Variants in PTPRD observed in about 807,000 individuals in gnomAD.
PTPRD encodes receptor-type tyrosine-protein phosphatase delta.
In PTPRD, 34 loss-of-function variants were observed where a neutral mutation model predicts 214.5. That is an observed-to-expected ratio of 0.16 (90% confidence interval 0.12 to 0.21). PTPRD has a LOEUF of 0.21. Among genes scored for constraint, PTPRD ranks in the 10% least tolerant of loss-of-function variants. PTPRD has a pLI of 1.00. For synonymous variants in PTPRD, 1,128 were observed against 845.7 expected, an observed-to-expected ratio of 1.33 and a Z score of -5.79; for missense variants, 2,545 against 2,398.7, an observed-to-expected ratio of 1.06 and a Z score of -1.27.
chr9:8,791,787 G>A (rs190980000), intron 11 of PTPRD, among the ~76,000 whole-genome samples: 1 of 151,994 alleles, frequency 6.6e-6, no homozygotes, highest in South Asian at 2.1e-4. Flanking sequence ...ATTTTTAATG[G>A]ACGGATACTA....
chr9:10,292,181 C>T (rs547751241), intron 3 of PTPRD, among the ~76,000 whole-genome samples: 1 of 152,066 alleles, frequency 6.6e-6, no homozygotes, highest in South Asian at 2.1e-4. Context: ...TTTTCAATTG[C>T]CCAAGTAAAA....
At chr9:8,633,277 T>A in intron 14 of PTPRD, 40 bp downstream of exon 14, 1 of 1,597,186 alleles carries the variant, frequency 6.3e-7, no homozygotes, top group East Asian at 2.2e-5. Context: ...TACAGAATTG[T>A]AACAATGACA....
intron 27 of PTPRD, among the ~76,000 whole-genome samples, chr9:8,490,563 G>GA: frequency 6.6e-6 from 1 of 152,108 alleles, no homozygotes. Flanking sequence ...AAAATATACA[G>GA]AAAATGTCAA....
intron 9 of PTPRD, among the ~76,000 whole-genome samples, chr9:9,388,014 G>A (rs917693202): frequency 3.3e-5 from 5 of 152,242 alleles, no homozygotes; most frequent in East Asian, 3.9e-4. Flanking sequence ...TCTGTATCCC[G>A]GAGTTTCTTG....
chr9:10,185,541 T>C (rs1257765564), intron 3 of PTPRD, among the ~76,000 whole-genome samples: 2 of 152,198 alleles, frequency 1.3e-5, no homozygotes, highest in African/African-American at 4.8e-5. Context: ...GGAATGGCTG[T>C]TATCTGCGTT....
At chr9:9,220,017 A>T (rs1054677762) in intron 9 of PTPRD, among the ~76,000 whole-genome samples, 3 of 152,170 alleles carry the variant, frequency 2.0e-5, no homozygotes, top group Non-Finnish European at 4.4e-5. Flanking sequence ...GTATCATAAA[A>T]TACTCTTGAA....
At chr9:9,619,949 A>T (rs951274713) in intron 7 of PTPRD, among the ~76,000 whole-genome samples, 1 of 151,490 alleles carries the variant, frequency 6.6e-6, no homozygotes, top group South Asian at 2.1e-4. Context: ...CTACATATAG[A>T]TAGAAATATC....
rs746163102 is a variant in PTPRD at position 9,597,281 on chromosome 9, C to T, written c.-286-22500G>A. ...AAAGTGGGAAAGGGAAAAAGACATA[C>T]ATTTAAACAAAGTTAACAATGTTCA... On this transcript the variant is annotated intron_variant, in intron 7 of 45. Transcript: ENST00000381196. 9.9e-5 allele frequency among the ~76,000 whole-genome samples: 15 copies of T among 152,044 alleles called. 1 individual carries two copies. Among genetic ancestry groups the T allele is most frequent in the East Asian group, 3.9e-4 (2 of 5,156 alleles).
At position 8,635,553 on chromosome 9, in the gene PTPRD, A is replaced by G. The variant is rs531619306; in HGVS notation, c.210+1146T>C. Among the ~76,000 whole-genome samples the G allele has an allele frequency of 2.0e-5, 3 of 152,288 alleles. No homozygotes were observed. In the East Asian group the frequency reaches 5.8e-4, roughly 29 times the overall value. On this transcript the variant is annotated intron_variant, in intron 13 of 45. Transcript: ENST00000381196. Reference sequence around the variant, plus strand: ...GGCAAATTTCTAATTTCACCATTGTAATTAATTAGGTTCTCTATACATTTG... The same window carrying G: ...GGCAAATTTCTAATTTCACCATTGTGATTAATTAGGTTCTCTATACATTTG...
intron 8 of PTPRD, among the ~76,000 whole-genome samples, chr9:9,399,650 G>A (rs945788893): frequency 7.9e-5 from 12 of 152,050 alleles, no homozygotes; most frequent in Admixed American, 3.3e-4. Context: ...CATGGGGGGC[G>A]GGTCTTTCCC....
At chr9:9,985,412 C>T (rs1332515268) in intron 4 of PTPRD, among the ~76,000 whole-genome samples, 1 of 152,154 alleles carries the variant, frequency 6.6e-6, no homozygotes, top group African/African-American at 2.4e-5. Context: ...CATTACTACT[C>T]TGCCAGATAT....
chr9:9,363,596 C>A (rs998233979), intron 9 of PTPRD, among the ~76,000 whole-genome samples: 1 of 151,124 alleles, frequency 6.6e-6, no homozygotes, highest in Non-Finnish European at 1.5e-5. Context: ...GGTGTTAGTA[C>A]AATAGGTAAA....
At chr9:8,408,317 A>G (rs1285799415) in intron 35 of PTPRD, among the ~76,000 whole-genome samples, 3 of 152,086 alleles carry the variant, frequency 2.0e-5, no homozygotes, top group Admixed American at 1.3e-4. Context: ...AATGGACTCA[A>G]TTCCTTCTTT....
intron 7 of PTPRD, among the ~76,000 whole-genome samples, chr9:9,658,245 C>T (rs1180477921): frequency 1.3e-5 from 2 of 152,022 alleles, no homozygotes; most frequent in African/African-American, 4.8e-5. Context: ...TATCCAATTG[C>T]TCTGGAAGAA....
chr9:9,301,536 T>C (rs573702635), intron 9 of PTPRD, among the ~76,000 whole-genome samples: 2 of 151,988 alleles, frequency 1.3e-5, no homozygotes, highest in East Asian at 3.9e-4. Context: ...TAATTCACAT[T>C]TACCTGTGTT....
chr9:9,794,537 A>G (rs1321872655), intron 5 of PTPRD, among the ~76,000 whole-genome samples: 2 of 152,010 alleles, frequency 1.3e-5, no homozygotes, highest in East Asian at 3.9e-4. Context: ...TAAGTGAGGG[A>G]TACTGAACGA....
intron 9 of PTPRD, among the ~76,000 whole-genome samples, chr9:9,284,024 T>C (rs1230285830): frequency 1.3e-5 from 2 of 151,748 alleles, no homozygotes; most frequent in East Asian, 2.0e-4. Flanking sequence ...CATGTCCTAG[T>C]AGATTCCTTG....
chr9:9,186,006 T>G (rs2099931222), intron 9 of PTPRD, among the ~76,000 whole-genome samples: 2 of 151,842 alleles, frequency 1.3e-5, no homozygotes, highest in Admixed American at 1.3e-4. Flanking sequence ...TAGAAAAAAA[T>G]GTAATCCTTT....
At chr9:9,420,209 T>A (rs557764984) in intron 8 of PTPRD, among the ~76,000 whole-genome samples, 2 of 151,968 alleles carry the variant, frequency 1.3e-5, no homozygotes, top group South Asian at 4.1e-4. Context: ...ATAATTTTAA[T>A]TGACACAAAC....
Sources: gnomAD v4.1 joint callset for allele counts (sites outside exome capture counted in the v4.1 genomes callset) on GRCh38, gnomAD v4.1.1 for gene constraint, MANE v1.5 for transcripts, NCBI Gene and HGNC (gene_info 2026-07-23, HGNC 2026-07-21) for gene names.